The following KCNIP3 variants were observed in gnomAD, a reference collection of about 807,000 sequenced individuals.
KCNIP3 encodes the protein calsenilin.
In KCNIP3, 28 loss-of-function variants were observed where a neutral mutation model predicts 35.0. The ratio of observed to expected loss-of-function variants is 0.80; its 90% CI spans 0.59 to 1.10. KCNIP3 has a LOEUF of 1.10. Ranked by LOEUF, KCNIP3 falls within the 50% of genes least tolerant of loss-of-function variation. The pLI is 0.00. For missense variants in KCNIP3, 295 were observed against 338.4 expected (o/e 0.87, Z 1.01); for synonymous variants, 134 against 133.8 (o/e 1.00, Z -0.01).
At chr2:95,370,778 T>C (rs1680022910) in intron 2 of KCNIP3, among the ~76,000 whole-genome samples, 1 of 152,154 alleles carries the variant, frequency 6.6e-6, no homozygotes, top group Non-Finnish European at 1.5e-5. Flanking sequence ...TCTTTTTTTT[T>C]GAGACGAAGT....
At chr2:95,324,460 G>A (rs1321914975) in intron 2 of KCNIP3, among the ~76,000 whole-genome samples, 1 of 151,856 alleles carries the variant, frequency 6.6e-6, no homozygotes, top group Admixed American at 6.6e-5. Flanking sequence ...CTTGCAGTAA[G>A]CGAGATTGCG....
In KCNIP3 at chr2:95,297,622, G is replaced by A. The variant is rs1012779667; in HGVS notation, c.15+169G>A. On this transcript the variant is annotated intron_variant, in intron 1 of 8. Transcript: ENST00000295225. Reference sequence around the variant, plus strand: ...TTGGGGCGTCCTGGCTGGCGCTGGGGTGTCCTGGCTGGTGTTGGAGTGTCC... The same window carrying A: ...TTGGGGCGTCCTGGCTGGCGCTGGGATGTCCTGGCTGGTGTTGGAGTGTCC... 7.2e-5 allele frequency among the ~76,000 whole-genome samples: 11 copies of A among 152,000 alleles called. No homozygotes were observed. The Middle Eastern group carries it at 0.014, about 188-fold the overall frequency.
At chr2:95,332,535 A>T (rs1489105285) in intron 2 of KCNIP3, among the ~76,000 whole-genome samples, 4 of 152,270 alleles carry the variant, frequency 2.6e-5, no homozygotes, top group Non-Finnish European at 5.9e-5. Context: ...CCCAGAAAAC[A>T]GGTGAGGGGA....
intron 2 of KCNIP3, among the ~76,000 whole-genome samples, chr2:95,320,655 C>G (rs913899699): frequency 6.6e-6 from 1 of 152,126 alleles, no homozygotes; most frequent in African/African-American, 2.4e-5. Flanking sequence ...ACTGTCCTCA[C>G]CCTGGCGGCC....
chr2:95,361,391 T>A (rs1435461867), intron 2 of KCNIP3, among the ~76,000 whole-genome samples: 4 of 152,142 alleles, frequency 2.6e-5, no homozygotes, highest in Admixed American at 6.5e-5. Context: ...TCTCTTCACG[T>A]CACTGTGACA....
chr2:95,301,156 C>T (rs560335745), intron 1 of KCNIP3, among the ~76,000 whole-genome samples: 1 of 152,376 alleles, frequency 6.6e-6, no homozygotes, highest in African/African-American at 2.4e-5. Flanking sequence ...ACCTCTGCCC[C>T]ACTGACTCAG....
rs573443770 is a variant in KCNIP3, at chr2:95,347,048, C to T, written c.182-27248C>T. 38 of 1,611,366 alleles carry T rather than the reference C, an allele frequency of 2.4e-5. 1 individual carries two copies. The South Asian group carries it at 4.1e-4, about 17-fold the overall frequency. On this transcript the variant is annotated intron_variant, in intron 2 of 8. Coordinates refer to ENST00000295225, the MANE Select transcript of KCNIP3 (RefSeq NM_013434.5). ...GGCATCCAGGGCATGGAGCTGTGCGCCATGGCCGTGGTGGTGCTGCTGTTC... is the reference window on the plus strand; with the variant it reads ...GGCATCCAGGGCATGGAGCTGTGCGTCATGGCCGTGGTGGTGCTGCTGTTC...
chr2:95,374,699 C>T, intron 3 of KCNIP3, 149 bp from the exon 4 acceptor site: 1 of 911,860 alleles, frequency 1.1e-6, no homozygotes, highest in Non-Finnish European at 1.7e-6. Context: ...TCTACCCAGG[C>T]TTTCCACAAC....
At chr2:95,326,987 T>C (rs1443738176) in intron 2 of KCNIP3, among the ~76,000 whole-genome samples, 2 of 152,158 alleles carry the variant, frequency 1.3e-5, no homozygotes, top group Non-Finnish European at 2.9e-5. Context: ...GAAGACTTGC[T>C]CCCTCTTATC....
intron 2 of KCNIP3, among the ~76,000 whole-genome samples, chr2:95,326,353 AAC>A (rs1678791682): frequency 6.6e-6 from 1 of 152,040 alleles, no homozygotes; most frequent in Admixed American, 6.6e-5. Flanking sequence ...TGCACACATA[AAC>A]ACACACCCCA....
chr2:95,301,420 G>A (rs1228125620), intron 1 of KCNIP3, among the ~76,000 whole-genome samples: 3 of 152,370 alleles, frequency 2.0e-5, no homozygotes, highest in African/African-American at 4.8e-5. Context: ...TTGGCTGTGA[G>A]CCCTGACTGC....
At chr2:95,320,655 C>T (rs913899699) in intron 2 of KCNIP3, among the ~76,000 whole-genome samples, 51 of 152,126 alleles carry the variant, frequency 3.4e-4, no homozygotes, top group African/African-American at 1.2e-3. Flanking sequence ...ACTGTCCTCA[C>T]CCTGGCGGCC....
intron 2 of KCNIP3, among the ~76,000 whole-genome samples, chr2:95,359,042 A>G (rs1208881030): frequency 6.6e-6 from 1 of 152,174 alleles, no homozygotes; most frequent in Non-Finnish European, 1.5e-5. Flanking sequence ...CTAAATTTCA[A>G]CATGAGTTTT....
intron 2 of KCNIP3, among the ~76,000 whole-genome samples, chr2:95,321,720 A>C (rs748923279): frequency 6.6e-6 from 1 of 152,188 alleles, no homozygotes; most frequent in Non-Finnish European, 1.5e-5. Context: ...TCAGTTAAAC[A>C]GAAGGGATAT....
intron 2 of KCNIP3, among the ~76,000 whole-genome samples, chr2:95,315,824 C>T (rs556785485): frequency 4.6e-4 from 70 of 152,300 alleles, no homozygotes; most frequent in African/African-American, 1.5e-3. Context: ...CTGTGGGAGT[C>T]GCAGCCCCCG....
intron 2 of KCNIP3, among the ~76,000 whole-genome samples, chr2:95,337,239 T>C (rs1218195748): frequency 6.6e-6 from 1 of 152,140 alleles, no homozygotes. Flanking sequence ...GTCCATTCAG[T>C]GCGATTCTCT....
rs778205763 is a variant in KCNIP3 at position 95,310,429 on chromosome 2, C to G, written c.90C>G (p.Ile30Met). Reference protein sequence around the residue: ...GHTPLSKKEGIKWQRPRLSRQ... With the variant: ...GHTPLSKKEGMKWQRPRLSRQ... ...CACCACTTAGCAAGAAGGAGGGTATCAAGTGGCAGAGGCCGAGGCTCAGCC... is the reference window on the plus strand; with the variant it reads ...CACCACTTAGCAAGAAGGAGGGTATGAAGTGGCAGAGGCCGAGGCTCAGCC... The change falls in exon 2 of 9, where the codon ATC becomes ATG. Residue 30 changes from isoleucine (I) to methionine (M), a missense_variant. Ile to Met is a conservative substitution (Grantham distance 10, BLOSUM62 1). Transcript: ENST00000295225. 8.1e-6 allele frequency: 13 copies of G among 1,613,800 alleles called. No individual in the cohort carries two copies. Among genetic ancestry groups the G allele is most frequent in the African/African-American group, 1.3e-5 (1 of 74,886 alleles).
chr2:95,365,569 G>A (rs1161897732), intron 2 of KCNIP3, among the ~76,000 whole-genome samples: 1 of 152,314 alleles, frequency 6.6e-6, no homozygotes. Context: ...AGGGAGAACA[G>A]GAGGAGAGGA....
intron 2 of KCNIP3, among the ~76,000 whole-genome samples, chr2:95,338,286 G>A (rs565595840): frequency 7.9e-5 from 12 of 152,300 alleles, no homozygotes; most frequent in African/African-American, 1.4e-4. Context: ...TGTTAGCTTC[G>A]TGAAATAGAA....
Sources: allele counts gnomAD v4.1 joint callset (sites outside exome capture counted in the v4.1 genomes callset), GRCh38; gene constraint gnomAD v4.1.1; transcripts MANE v1.5; gene names NCBI Gene and HGNC (gene_info 2026-07-23, HGNC 2026-07-21).